The following ATP13A3 variants were observed in gnomAD, a reference collection of about 807,000 sequenced individuals.
The protein encoded by ATP13A3 is polyamine-transporting ATPase 13A3.
ATP13A3 carries 59 observed loss-of-function variants against 158.1 expected under a neutral mutation model. The ratio of observed to expected loss-of-function variants is 0.37; its 90% confidence interval spans 0.30 to 0.46. ATP13A3 has a LOEUF of 0.46. Among genes scored for constraint, ATP13A3 ranks in the 20% least tolerant of loss-of-function variants. ATP13A3 has a pLI of 1.00. For synonymous variants in ATP13A3, 491 were observed against 504.3 expected (o/e 0.97, Z 0.35); for missense variants, 1,166 against 1,525.2 (o/e 0.76, Z 3.92).
chr3:194,450,077 G>A, intron 11 of ATP13A3, 68 bp downstream of exon 11: 4 of 1,502,656 alleles, frequency 2.7e-6, no homozygotes, highest in Non-Finnish European at 3.7e-6. Context: ...TTTTGAAAAG[G>A]CTTACTCACT....
chr3:194,478,587 G>A (rs960938670), intron 2 of ATP13A3, among the ~76,000 whole-genome samples: 1 of 152,154 alleles, frequency 6.6e-6, no homozygotes, highest in Non-Finnish European at 1.5e-5. Flanking sequence ...GATAGCCTTT[G>A]AGGAATAATT....
At position 194,448,493 on chromosome 3, in the gene ATP13A3, T is replaced by G; in HGVS notation, c.1114A>C (p.Thr372Pro). The G allele has an allele frequency of 1.9e-6, 3 of 1,614,158 alleles. No homozygotes were observed. The highest frequency in any genetic ancestry group is 2.5e-6 in the Non-Finnish European group (3 of 1,180,004). Residue 372 changes from threonine (T) to proline (P), a missense_variant, in exon 12 of 34, where the codon ACT becomes CCT. Coordinates refer to ENST00000645319, the MANE Select transcript of ATP13A3 (RefSeq NM_001367549.1). This position sits in a 1 kb window ranked among gnomAD's most constrained non-coding sequence, Gnocchi z 4.0. ...ACTATGGCTTTGACGAGTTCTCCAGTGTAGAAACGAGTCTGAATAACAGTT... is the reference window on the plus strand; with the variant it reads ...ACTATGGCTTTGACGAGTTCTCCAGGGTAGAAACGAGTCTGAATAACAGTT... Reference protein sequence around the residue: ...GTTVIQTRFYTGELVKAIVVR... With the variant: ...GTTVIQTRFYPGELVKAIVVR...
At chr3:194,455,864 G>A (rs373481407) in intron 8 of ATP13A3, 29 bp downstream of exon 8, 228 of 1,335,068 alleles carry the variant, frequency 1.7e-4, no homozygotes, top group Non-Finnish European at 2.2e-4. Flanking sequence ...GATCATGACT[G>A]TTAAGTTATA....
chr3:194,415,951 A>T (rs994321695), intron 31 of ATP13A3, among the ~76,000 whole-genome samples: 1 of 152,232 alleles, frequency 6.6e-6, no homozygotes, highest in African/African-American at 2.4e-5. Flanking sequence ...AACATACAAG[A>T]AAAGAAAATT....
chr3:194,446,144 T>C (rs1044846458), intron 14 of ATP13A3, among the ~76,000 whole-genome samples: 7 of 152,320 alleles, frequency 4.6e-5, no homozygotes, highest in African/African-American at 1.4e-4. Flanking sequence ...AAATAAGCAA[T>C]ATCCAAAGTA....
chr3:194,443,985 T>C (rs1006228584), intron 15 of ATP13A3, among the ~76,000 whole-genome samples: 1 of 143,606 alleles, frequency 7.0e-6, no homozygotes, highest in Non-Finnish European at 1.5e-5. Context: ...CTCAATTTTA[T>C]AAGAAATGAG....
intron 2 of ATP13A3, among the ~76,000 whole-genome samples, chr3:194,478,885 G>C (rs185021835): frequency 1.7e-3 from 260 of 152,214 alleles, no homozygotes; most frequent in African/African-American, 6.0e-3. Flanking sequence ...CCCTGTGTTT[G>C]GCATGTACAG....
At chr3:194,482,617 C>A (rs1290876891) in intron 2 of ATP13A3, among the ~76,000 whole-genome samples, 1 of 152,172 alleles carries the variant, frequency 6.6e-6, no homozygotes, top group African/African-American at 2.4e-5. Context: ...CAACAAAACT[C>A]AAACGAGAAC....
chr3:194,431,369 T>G, intron 22 of ATP13A3, 143 bp from the exon 23 acceptor site: 1 of 1,078,352 alleles, frequency 9.3e-7, no homozygotes, highest in East Asian at 2.6e-5. Context: ...TTATTCAAAG[T>G]AAAAAGAAAC....
Position 194,446,924 on chromosome 3 carries a change from C to A in ATP13A3, c.1497+3G>T. ...TTGAAAGTAACTATGAAACTGAACC[C>A]ACCTTGTCAAAGCAAACAAGATTGA... On this transcript the variant is annotated splice_donor_region_variant and intron_variant, in intron 14 of 33. Coordinates refer to ENST00000645319, the MANE Select transcript of ATP13A3 (RefSeq NM_001367549.1). 1.3e-6 allele frequency: 2 copies of A among 1,598,872 alleles called. No individual in the cohort carries two copies. Among genetic ancestry groups the A allele is most frequent in the Non-Finnish European group, 8.5e-7 (1 of 1,175,262 alleles).
At chr3:194,452,643 T>C (rs1718889941) in intron 10 of ATP13A3, 1 of 152,236 alleles carries the variant, frequency 6.6e-6, no homozygotes. Flanking sequence ...GTTCTTATAA[T>C]GTCCACACAA....
intron 5 of ATP13A3, 107 bp from the exon 6 acceptor site, chr3:194,459,648 T>C: frequency 9.0e-7 from 1 of 1,113,084 alleles, no homozygotes; most frequent in Admixed American, 2.6e-5. Context: ...TAGCATTATA[T>C]ATAGTAATAT....
rs529352814 is a variant in ATP13A3, at chr3:194,435,590, AG to A, written c.2120+1504del. 1.0e-3 allele frequency among the ~76,000 whole-genome samples: 156 copies of A among 152,278 alleles called. 2 individuals carry two copies. The highest frequency in any genetic ancestry group is 1.7e-3 in the South Asian group (8 of 4,814). On this transcript the variant is annotated intron_variant, in intron 20 of 33. Transcript: ENST00000645319. ...GGAACAGTCTATCCAATGTCATGGA[AG>A]GATGTCTCAAGATGACACACCTAAC... is the stretch of plus-strand genomic sequence containing the variant.
In ATP13A3 at chr3:194,430,403, T is replaced by A; in HGVS notation, c.2625-88A>T. Reference sequence around the variant, plus strand: ...TTAAGACTTTTCTATTACAGTATTATAAAGAGCTAACACACCAAGATTCCC... The same window carrying A: ...TTAAGACTTTTCTATTACAGTATTAAAAAGAGCTAACACACCAAGATTCCC... On this transcript the variant is annotated intron_variant, in intron 24 of 33. Coordinates refer to ENST00000645319, the MANE Select transcript of ATP13A3 (RefSeq NM_001367549.1). 12 of 1,375,326 alleles carry A rather than the reference T, an allele frequency of 8.7e-6. No individual in the cohort carries two copies. The South Asian group carries it at 1.5e-4, about 17-fold the overall frequency. The allele number at this position is 1,375,326 out of a possible 1,614,324, so 85.2% of individuals were successfully genotyped here. A position where few individuals can be genotyped will look rare whatever the true frequency, so the allele number is the denominator to read the frequency against.
rs780384758 is a variant in ATP13A3, at chr3:194,438,957, T to C, written c.1726A>G (p.Thr576Ala). The C allele has an allele frequency of 1.3e-6, 2 of 1,591,070 alleles. No homozygotes were observed. Among genetic ancestry groups the C allele is most frequent in the Non-Finnish European group, 1.7e-6 (2 of 1,170,550 alleles). Residue 576 changes from threonine to alanine, a missense_variant, in exon 17 of 34, where the codon ACT becomes GCT. Around this residue, in one of 3 missense-constraint regions of ATP13A3, gnomAD observed 997 missense variants for 1,341.2 expected, o/e 0.74. Coordinates refer to ENST00000645319, the MANE Select transcript of ATP13A3 (RefSeq NM_001367549.1). ...TTATGAAGTGCTGTTTCTTCTTCAG[T>C]TGCTTCTTCCAGAATCTGGAAAAAA... ...EAIGWILEEA[T>A]EEETALHNRI...
chr3:194,404,589 T>A lies in ATP13A3; in HGVS notation c.*1330A>T. 1 of 152,888 alleles carries A rather than the reference T, an allele frequency of 6.5e-6. No homozygotes were observed. Among genetic ancestry groups the A allele is most frequent in the South Asian group, 2.0e-4 (1 of 4,892 alleles). 9.5% of individuals were successfully genotyped at this position (152,888 alleles called of 1,614,324 possible). ...TCTGTGTTGTGGTAACTGTGGGCGTTGCCAGACTGCTGGATCCACCTATAA... is the reference window on the plus strand; with the variant it reads ...TCTGTGTTGTGGTAACTGTGGGCGTAGCCAGACTGCTGGATCCACCTATAA... On this transcript the variant is annotated 3_prime_UTR_variant, in exon 34 of 34. Transcript: ENST00000645319.
upstream of ATP13A3, among the ~76,000 whole-genome samples, chr3:194,489,109 A>G (rs906509631): frequency 1.3e-5 from 2 of 152,118 alleles, no homozygotes; most frequent in African/African-American, 2.4e-5. The surrounding 1 kb of genome is among the most constrained non-coding windows in gnomAD (Gnocchi z 4.1). Flanking sequence ...GCCTTACCCA[A>G]TCACCAAGTC....
intron 2 of ATP13A3, among the ~76,000 whole-genome samples, chr3:194,463,331 AC>A (rs1182871938): frequency 6.7e-6 from 1 of 150,172 alleles, no homozygotes; most frequent in Non-Finnish European, 1.5e-5. Flanking sequence ...ACATTCAGCT[AC>A]ACATTAAAGA....
At chr3:194,468,968 T>G (rs1577087888) in intron 2 of ATP13A3, among the ~76,000 whole-genome samples, 1 of 152,038 alleles carries the variant, frequency 6.6e-6, no homozygotes, top group South Asian at 2.1e-4. Context: ...ACCCCATCTC[T>G]ACTAAAAATA....
Sources: allele counts gnomAD v4.1 joint callset (sites outside exome capture counted in the v4.1 genomes callset), GRCh38; gene constraint gnomAD v4.1.1; regional missense constraint gnomAD v4.1.1; non-coding constraint Gnocchi (gnomAD v3.1); transcripts MANE v1.5; gene names NCBI Gene and HGNC (gene_info 2026-07-23, HGNC 2026-07-21).